Variants in STAM observed in about 807,000 individuals in gnomAD.
STAM encodes the protein signal transducing adaptor molecule.
STAM carries 16 observed loss-of-function variants against 63.4 expected under a neutral mutation model. The ratio of observed to expected loss-of-function variants is 0.25; its 90% CI spans 0.17 to 0.38. The LOEUF is 0.38. Among genes scored for constraint, STAM ranks in the 10% least tolerant of loss-of-function variants. The probability of loss-of-function intolerance (pLI) is 1.00; values close to 1 mark genes in which losing one functional copy is unlikely to be tolerated. For missense variants in STAM, 636 were observed against 657.1 expected (o/e 0.97, Z 0.35); for synonymous variants, 238 against 223.9 (o/e 1.06, Z -0.56).
In STAM at chr10:17,697,220, C is replaced by T. The variant is rs57874866; in HGVS notation, c.823+351C>T. Reference sequence around the variant, plus strand: ...GTGGGATTACAGGCGTGAGCCATCGCACCTGGCCTAACTTTTCTTTTTCAT... The same window carrying T: ...GTGGGATTACAGGCGTGAGCCATCGTACCTGGCCTAACTTTTCTTTTTCAT... On this transcript the variant is annotated intron_variant, in intron 8 of 13. Transcript: ENST00000377524. Among the ~76,000 whole-genome samples the T allele has an allele frequency of 7.8e-3, 1,195 of 152,332 alleles. 13 individuals carry two copies. The highest frequency in any genetic ancestry group is 0.027 in the African/African-American group (1,131 of 41,578).
intron 12 of STAM, among the ~76,000 whole-genome samples, chr10:17,706,702 G>A (rs1352688298): frequency 2.6e-5 from 4 of 151,798 alleles, no homozygotes; most frequent in East Asian, 3.9e-4. Context: ...TTAAAGCTTC[G>A]TATGTAATTA....
chr10:17,652,840 T>A (rs1257228795), intron 1 of STAM, among the ~76,000 whole-genome samples: 1 of 152,192 alleles, frequency 6.6e-6, no homozygotes, highest in Non-Finnish European at 1.5e-5. Context: ...GGGAGCAGGC[T>A]CTGGGACTCC....
chr10:17,704,640 C>G (rs1483353936), intron 10 of STAM, 122 bp downstream of exon 10: 3 of 845,900 alleles, frequency 3.5e-6, no homozygotes, highest in African/African-American at 3.4e-5. Flanking sequence ...TCTCCTTGAC[C>G]CAGGCTCACT....
chr10:17,676,562 T>C (rs1423153064), intron 2 of STAM, among the ~76,000 whole-genome samples: 2 of 152,190 alleles, frequency 1.3e-5, no homozygotes, highest in African/African-American at 4.8e-5. Flanking sequence ...TCTTACGAAC[T>C]ATATGACCCA....
At chr10:17,656,954 C>T (rs1413133018) in intron 1 of STAM, among the ~76,000 whole-genome samples, 1 of 152,104 alleles carries the variant, frequency 6.6e-6, no homozygotes, top group Non-Finnish European at 1.5e-5. Context: ...GTGATTCTTC[C>T]CTTAGAGTGG....
At position 17,667,706 on chromosome 10, in the gene STAM, A is replaced by G. The variant is rs77981128; in HGVS notation, c.125+7158A>G. Reference sequence around the variant, plus strand: ...CTAAGAAGCTAGTAACCAGAGTGCTATAATGGAAAATAAAAAGGTAGACTG... The same window carrying G: ...CTAAGAAGCTAGTAACCAGAGTGCTGTAATGGAAAATAAAAAGGTAGACTG... On this transcript the variant is annotated intron_variant, in intron 2 of 13. Transcript: ENST00000377524. 4.4e-4 allele frequency among the ~76,000 whole-genome samples: 67 copies of G among 152,374 alleles called. 1 individual carries two copies. Among genetic ancestry groups the G allele is most frequent in the African/African-American group, 1.5e-3 (64 of 41,594 alleles).
At position 17,693,253 on chromosome 10, in the gene STAM, T is replaced by A. The variant is rs782480058; in HGVS notation, c.476T>A (p.Leu159His). The change falls in exon 6 of 14, where the codon CTT becomes CAT. Residue 159 changes from leucine (L) to histidine (H), a missense_variant. Transcript: ENST00000377524. The stretch of plus-strand genomic sequence containing the variant: ...GAACAAGCAAAAGCAAGCCCAGCTC[T>A]TGTAGCCAAGGATCCTGGTACTGTG... ...AAEQAKASPA[L>H]VAKDPGTVAN... The A allele has an allele frequency of 1.2e-6, 2 of 1,613,830 alleles. No homozygotes were observed. The highest frequency in any genetic ancestry group is 2.2e-5 in the East Asian group (1 of 44,876).
At chr10:17,661,971 T>C (rs1199528394) in intron 2 of STAM, among the ~76,000 whole-genome samples, 2 of 152,242 alleles carry the variant, frequency 1.3e-5, no homozygotes, top group Non-Finnish European at 2.9e-5. Context: ...TTGAAAATTT[T>C]TAACTACTGT....
At chr10:17,687,224 C>T (rs1281936439) in intron 4 of STAM, among the ~76,000 whole-genome samples, 1 of 152,124 alleles carries the variant, frequency 6.6e-6, no homozygotes, top group African/African-American at 2.4e-5. Context: ...CCTGTAATCG[C>T]AGCACTTTGG....
intron 2 of STAM, chr10:17,673,185 C>G (rs1437539510): frequency 4.2e-6 from 1 of 235,486 alleles, no homozygotes; most frequent in East Asian, 1.8e-4. Flanking sequence ...CGTCTCTTCT[C>G]ACATCCTCTG....
chr10:17,708,710 C>T (rs1836411306), intron 12 of STAM, 66 bp from the exon 13 acceptor site: 2 of 1,451,250 alleles, frequency 1.4e-6, no homozygotes, highest in Non-Finnish European at 1.9e-6. Flanking sequence ...AATACCTCTA[C>T]AGAGAAAGTT....
chr10:17,668,173 G>A (rs1834475788), intron 2 of STAM, among the ~76,000 whole-genome samples: 1 of 152,186 alleles, frequency 6.6e-6, no homozygotes, highest in South Asian at 2.1e-4. Flanking sequence ...CAGTGATCCA[G>A]TAGCTAAAAT....
intron 4 of STAM, among the ~76,000 whole-genome samples, chr10:17,687,398 T>TC (rs1456484894): frequency 1.3e-5 from 2 of 151,260 alleles, no homozygotes; most frequent in African/African-American, 4.9e-5. Context: ...TTGAACCGCA[T>TC]CCCCCACCCC....
At chr10:17,697,921 A>G (rs1489668038) in intron 8 of STAM, among the ~76,000 whole-genome samples, 1 of 152,164 alleles carries the variant, frequency 6.6e-6, no homozygotes, top group African/African-American at 2.4e-5. Context: ...TTTTTAGTTT[A>G]TAAGAATTTT....
At chr10:17,697,193 T>C (rs1554827684) in intron 8 of STAM, among the ~76,000 whole-genome samples, 1 of 152,224 alleles carries the variant, frequency 6.6e-6, no homozygotes, top group Non-Finnish European at 1.5e-5. Context: ...TCTCCCAAAG[T>C]GGTGGGATTA....
chr10:17,716,606 A>G lies in STAM; in HGVS notation c.*1826A>G, dbSNP rs946464651. On this transcript the variant is annotated 3_prime_UTR_variant, in exon 14 of 14. Coordinates refer to ENST00000377524, the MANE Select transcript of STAM (RefSeq NM_003473.4). ...CTGCAATTTTTCTTTGTCTTTTGAT[A>G]AATTCCTGTTTACCAATGTTAAATG... 6.6e-6 allele frequency among the ~76,000 whole-genome samples: 1 copy of G among 152,188 alleles called. No individual in the cohort carries two copies. Among genetic ancestry groups the G allele is most frequent in the Admixed American group, 6.5e-5 (1 of 15,278 alleles).
chr10:17,692,852 A>T (rs1371783831), intron 5 of STAM, among the ~76,000 whole-genome samples: 1 of 151,950 alleles, frequency 6.6e-6, no homozygotes. Context: ...TTAACTATTT[A>T]TGTTTAAAGT....
intron 9 of STAM, among the ~76,000 whole-genome samples, chr10:17,700,702 G>A (rs532482480): frequency 6.6e-6 from 1 of 151,732 alleles, no homozygotes; most frequent in South Asian, 2.1e-4. Context: ...ATGTCAAATT[G>A]TTGAGCAAAA....
chr10:17,654,134 C>T (rs1020454376), intron 1 of STAM, among the ~76,000 whole-genome samples: 4 of 152,082 alleles, frequency 2.6e-5, no homozygotes, highest in Non-Finnish European at 5.9e-5. Flanking sequence ...TATGCTAGCC[C>T]TCTGGGTAGT....
Sources: allele counts gnomAD v4.1 joint callset (sites outside exome capture counted in the v4.1 genomes callset), GRCh38; gene constraint gnomAD v4.1.1; transcripts MANE v1.5; gene names NCBI Gene and HGNC (gene_info 2026-07-23, HGNC 2026-07-21).